Variants in CRYL1 observed in about 807,000 individuals in gnomAD.
CRYL1 encodes the protein crystallin lambda 1, also known as lambda-crystallin homolog.
Under a neutral mutation model 36.6 loss-of-function variants are expected in CRYL1, and 29 were observed. The observed-to-expected ratio is 0.79, with a 90% CI of 0.59 to 1.08. The LOEUF (loss-of-function observed/expected upper bound fraction) is 1.08, where lower values mean the gene tolerates loss of function less well. Ranked by LOEUF, CRYL1 falls within the 50% of genes least tolerant of loss-of-function variation. The pLI, the probability that CRYL1 is intolerant of heterozygous loss-of-function variation, is 0.00. For missense variants in CRYL1, 411 were observed against 407.9 expected (o/e 1.01, Z -0.06); for synonymous variants, 152 against 151.5 (o/e 1.00, Z -0.02).
intron 2 of CRYL1, among the ~76,000 whole-genome samples, chr13:20,491,861 A>G (rs1471324933): frequency 6.6e-6 from 1 of 152,224 alleles, no homozygotes. Flanking sequence ...TGTCTTGGCC[A>G]GTTCATCTGG....
At chr13:20,464,649 T>A (rs9285124) in intron 3 of CRYL1, among the ~76,000 whole-genome samples, 146,221 of 152,268 alleles carry the variant, frequency 0.96, 70,470 homozygotes, top group East Asian at 1. Flanking sequence ...ATCTTAATAG[T>A]GGGCTGTTTG....
intron 2 of CRYL1, among the ~76,000 whole-genome samples, chr13:20,492,401 G>A (rs1409789732): frequency 1.3e-5 from 2 of 152,256 alleles, no homozygotes; most frequent in South Asian, 2.1e-4. Flanking sequence ...CAATACAAAT[G>A]TATTATCTTA....
At chr13:20,495,138 G>A (rs898441979) in intron 2 of CRYL1, among the ~76,000 whole-genome samples, 2 of 152,092 alleles carry the variant, frequency 1.3e-5, no homozygotes, top group African/African-American at 2.4e-5. Context: ...TATTCTTTTG[G>A]AAGAACTTCT....
intron 1 of CRYL1, among the ~76,000 whole-genome samples, chr13:20,520,497 A>C (rs1264563826): frequency 6.6e-6 from 1 of 152,152 alleles, no homozygotes; most frequent in Non-Finnish European, 1.5e-5. Context: ...TGGAATCGCA[A>C]TTATCTGACC....
chr13:20,427,746 A>AC (rs66703324), intron 5 of CRYL1, among the ~76,000 whole-genome samples: 1 of 151,852 alleles, frequency 6.6e-6, no homozygotes, highest in Non-Finnish European at 1.5e-5. Flanking sequence ...CCTCAAAAAA[A>AC]AAAAAATCAA....
chr13:20,426,498 C>A (rs779768356), intron 5 of CRYL1, among the ~76,000 whole-genome samples: 1 of 152,002 alleles, frequency 6.6e-6, no homozygotes, highest in Non-Finnish European at 1.5e-5. Context: ...CTATAGTGAC[C>A]ACATGAGAAT....
chr13:20,503,476 G>C (rs2033740275), intron 2 of CRYL1, among the ~76,000 whole-genome samples: 1 of 152,194 alleles, frequency 6.6e-6, no homozygotes, highest in South Asian at 2.1e-4. Flanking sequence ...ACCTCCCGCT[G>C]ACTAGGCTGG....
intron 1 of CRYL1, among the ~76,000 whole-genome samples, chr13:20,519,056 G>C (rs559175737): frequency 2.0e-5 from 3 of 152,196 alleles, no homozygotes; most frequent in Non-Finnish European, 4.4e-5. Context: ...TCAGAGCCAA[G>C]GGCTGGGCTG....
chr13:20,443,638 C>T (rs1273850548), intron 3 of CRYL1, among the ~76,000 whole-genome samples: 2 of 152,150 alleles, frequency 1.3e-5, no homozygotes, highest in African/African-American at 2.4e-5. Flanking sequence ...GGTGATCTGC[C>T]CACCTCAGCC....
intron 5 of CRYL1, chr13:20,427,288 TCC>T: frequency 2.0e-6 from 2 of 985,350 alleles, no homozygotes; most frequent in Non-Finnish European, 2.4e-6. Flanking sequence ...GGCTGCTTCA[TCC>T]CAAAACTGAA....
intron 3 of CRYL1, among the ~76,000 whole-genome samples, chr13:20,468,964 G>A (rs1277027796): frequency 6.6e-6 from 1 of 152,128 alleles, no homozygotes; most frequent in Admixed American, 6.5e-5. Flanking sequence ...GATCACCTTA[G>A]GCTTCCTGAA....
intron 2 of CRYL1, among the ~76,000 whole-genome samples, chr13:20,505,641 G>T (rs943624248): frequency 1.3e-5 from 2 of 152,162 alleles, no homozygotes; most frequent in Non-Finnish European, 2.9e-5. Context: ...GACACTGGGG[G>T]TGTGATGTAT....
At chr13:20,478,064 C>T (rs1361527777) in intron 3 of CRYL1, among the ~76,000 whole-genome samples, 1 of 150,352 alleles carries the variant, frequency 6.7e-6, no homozygotes, top group Non-Finnish European at 1.5e-5. Flanking sequence ...TCATAAATAA[C>T]CATCTCCCAT....
In CRYL1 at chr13:20,524,255, C is replaced by T. The variant is rs568630586; in HGVS notation, c.41+1499G>A. ...TTGTGTGTGTGTGCGCGTGCGCGCA[C>T]GCATGCGTGTAAAAACTGTGTGTGT... is the stretch of plus-strand genomic sequence containing the variant. On this transcript the variant is annotated intron_variant, in intron 1 of 7. Coordinates refer to ENST00000298248, the MANE Select transcript of CRYL1 (RefSeq NM_015974.3). Among the ~76,000 whole-genome samples, 31 of 152,246 alleles carry T rather than the reference C, an allele frequency of 2.0e-4. No homozygotes were observed. In the East Asian group the frequency reaches 2.1e-3, roughly 10 times the overall value.
In CRYL1 at chr13:20,464,345, G is replaced by C. The variant is rs547237417; in HGVS notation, c.277-24591C>G. Among the ~76,000 whole-genome samples, 141 of 152,308 alleles carry C rather than the reference G, an allele frequency of 9.3e-4. 1 individual carries two copies. Among genetic ancestry groups the C allele is most frequent in the African/African-American group, 3.3e-3 (138 of 41,562 alleles). ...GGAGGCAGAGGTTGCAGTGAGCCGA[G>C]ATTGTGCCACTGCACTTTAGCCTGG... On this transcript the variant is annotated intron_variant, in intron 3 of 7. Coordinates refer to ENST00000298248, the MANE Select transcript of CRYL1 (RefSeq NM_015974.3).
At chr13:20,490,005 C>T (rs773301058) in intron 2 of CRYL1, among the ~76,000 whole-genome samples, 1 of 152,128 alleles carries the variant, frequency 6.6e-6, no homozygotes, top group Non-Finnish European at 1.5e-5. Context: ...AATGGATGAA[C>T]CTTGAGGACA....
At chr13:20,500,888 T>C (rs986649755) in intron 2 of CRYL1, among the ~76,000 whole-genome samples, 3 of 152,204 alleles carry the variant, frequency 2.0e-5, no homozygotes, top group Admixed American at 1.3e-4. Flanking sequence ...ATCTGAGTTC[T>C]TTCCTCAGGA....
chr13:20,439,514 C>CAAAAAAAAAAAAAAAAAAAAAAAAAAAA lies in CRYL1; in HGVS notation c.438+78_438+79insTTTTTTTTTTTTTTTTTTTTTTTTTTTT, dbSNP rs56087130. On this transcript the variant is annotated intron_variant, in intron 4 of 7. Coordinates refer to ENST00000298248, the MANE Select transcript of CRYL1 (RefSeq NM_015974.3). ...ACAAGTTATTGACCCCCCTCCCCCG[C>CAAAAAAAAAAAAAAAAAAAAAAAAAAAA]AAAAAAAAAAAAAAAAGAAAAAAAA... 86 of 331,804 alleles carry CAAAAAAAAAAAAAAAAAAAAAAAAAAAA rather than the reference C, an allele frequency of 2.6e-4. 4 individuals are homozygous for CAAAAAAAAAAAAAAAAAAAAAAAAAAAA. The highest frequency in any genetic ancestry group is 7.8e-4 in the African/African-American group (21 of 26,812). 20.6% of individuals were successfully genotyped at this position (331,804 alleles called of 1,614,324 possible). A position where few individuals can be genotyped will look rare whatever the true frequency, so the allele number is the denominator to read the frequency against.
At chr13:20,488,798 C>T (rs1029744748) in intron 3 of CRYL1, among the ~76,000 whole-genome samples, 7 of 152,230 alleles carry the variant, frequency 4.6e-5, no homozygotes, top group Non-Finnish European at 1.0e-4. Flanking sequence ...GCTCCAGGAG[C>T]GGGATGCCTG....
Sources: gnomAD v4.1 joint callset for allele counts (sites outside exome capture counted in the v4.1 genomes callset) on GRCh38, gnomAD v4.1.1 for gene constraint, MANE v1.5 for transcripts, NCBI Gene and HGNC (gene_info 2026-07-23, HGNC 2026-07-21) for gene names.